EYS: variants seen among roughly 807,000 people sequenced by gnomAD.
EYS encodes EGF-like photoreceptor maintenance factor, also known as protein eyes shut homolog.
In EYS, 250 loss-of-function variants were observed where a neutral mutation model predicts 282.1. The ratio of observed to expected loss-of-function variants is 0.89; its 90% CI spans 0.80 to 0.98. The LOEUF (loss-of-function observed/expected upper bound fraction) is 0.98. Ranked by LOEUF, EYS falls within the 50% of genes least tolerant of loss-of-function variation. EYS has a pLI of 0.00. For synonymous variants in EYS, 1,355 were observed against 1,282.9 expected, an observed-to-expected ratio of 1.06 and a Z score of -1.20; for missense variants, 4,016 against 3,709.0, an observed-to-expected ratio of 1.08 and a Z score of -2.15.
At chr6:64,913,391 A>C (rs1768061266) in intron 15 of EYS, among the ~76,000 whole-genome samples, 1 of 152,074 alleles carries the variant, frequency 6.6e-6, no homozygotes, top group Admixed American at 6.6e-5. Context: ...ATAGATTTTC[A>C]ACCCCTACCT....
chr6:64,005,340 C>G (rs1054935551), intron 33 of EYS, among the ~76,000 whole-genome samples: 2 of 151,956 alleles, frequency 1.3e-5, no homozygotes, highest in African/African-American at 4.8e-5. Context: ...TGCTTGTTAA[C>G]TTAAGTTCCT....
intron 29 of EYS, among the ~76,000 whole-genome samples, chr6:64,333,065 A>G (rs1226788015): frequency 1.3e-5 from 2 of 152,188 alleles, no homozygotes; most frequent in East Asian, 3.9e-4. Flanking sequence ...ACTCTGTTAT[A>G]CCAGACCTAC....
intron 5 of EYS, among the ~76,000 whole-genome samples, chr6:65,442,747 C>T (rs1768387185): frequency 6.7e-6 from 1 of 149,174 alleles, no homozygotes; most frequent in African/African-American, 2.5e-5. Flanking sequence ...GAGCGAGACT[C>T]CATCTCAAAA....
chr6:64,467,690 T>C (rs1430364653), intron 26 of EYS, among the ~76,000 whole-genome samples: 2 of 152,112 alleles, frequency 1.3e-5, no homozygotes, highest in African/African-American at 4.8e-5. Context: ...ACTGCTTGTG[T>C]ACATTACTGG....
intron 5 of EYS, among the ~76,000 whole-genome samples, chr6:65,474,216 A>G (rs1340477514): frequency 6.6e-6 from 1 of 152,132 alleles, no homozygotes; most frequent in Non-Finnish European, 1.5e-5. Context: ...CAATAGTTTC[A>G]TAAATGCAAC....
intron 12 of EYS, among the ~76,000 whole-genome samples, chr6:65,133,372 A>G (rs780683681): frequency 6.6e-6 from 1 of 152,078 alleles, no homozygotes; most frequent in African/African-American, 2.4e-5. Context: ...CCAGTTTCAA[A>G]CTATACTACA....
intron 26 of EYS, among the ~76,000 whole-genome samples, chr6:64,558,312 T>C (rs1582892680): frequency 6.6e-6 from 1 of 152,096 alleles, no homozygotes; most frequent in South Asian, 2.1e-4. Flanking sequence ...CAGGGGAAAT[T>C]TGGCAACATC....
At chr6:64,958,734 CAAAAAAAAAAAAA>C (rs1167094477) in intron 14 of EYS, among the ~76,000 whole-genome samples, 12 of 51,680 alleles carry the variant, frequency 2.3e-4, no homozygotes, top group African/African-American at 4.8e-4. Flanking sequence ...GACTCCGTCT[CAAAAAAAAAAAAA>C]AAAAAAAAAA....
chr6:64,284,383 G>A (rs1371259393), intron 30 of EYS, among the ~76,000 whole-genome samples: 5 of 152,204 alleles, frequency 3.3e-5, no homozygotes, highest in Non-Finnish European at 2.9e-5. Flanking sequence ...GCTGATATAA[G>A]AGGTGGGTTC....
chr6:63,883,489 G>C lies in EYS; in HGVS notation c.7056-19131C>G, dbSNP rs534614922. Among the ~76,000 whole-genome samples the C allele has an allele frequency of 2.0e-4, 31 of 152,378 alleles. No homozygotes were observed. In the South Asian group the frequency reaches 6.0e-3, roughly 30 times the overall value. ...AAACTCTCAACCAACGTGGCTGGAAGTCAGCAGATAATTGCTTCTGCCTTT... is the reference window on the plus strand; with the variant it reads ...AAACTCTCAACCAACGTGGCTGGAACTCAGCAGATAATTGCTTCTGCCTTT... On this transcript the variant is annotated intron_variant, in intron 35 of 42. Transcript: ENST00000503581.
At chr6:65,531,601 G>T in intron 2 of EYS, among the ~76,000 whole-genome samples, 1 of 152,220 alleles carries the variant, frequency 6.6e-6, no homozygotes, top group East Asian at 1.9e-4. Context: ...TAAATGGATA[G>T]GGAGATCCCT....
intron 33 of EYS, among the ~76,000 whole-genome samples, chr6:64,053,949 ATACT>A (rs1356661178): frequency 6.6e-6 from 1 of 152,176 alleles, no homozygotes; most frequent in Non-Finnish European, 1.5e-5. Flanking sequence ...TGGCCTTTAC[ATACT>A]TAACTAATCC....
chr6:65,238,315 T>A (rs903135629), intron 12 of EYS, among the ~76,000 whole-genome samples: 1 of 151,072 alleles, frequency 6.6e-6, no homozygotes, highest in Non-Finnish European at 1.5e-5. Context: ...GAATCAATAA[T>A]ACTAGAATCA....
At chr6:64,872,685 G>A (rs1357996090) in intron 19 of EYS, among the ~76,000 whole-genome samples, 3 of 151,980 alleles carry the variant, frequency 2.0e-5, no homozygotes, top group Non-Finnish European at 4.4e-5. Context: ...GAAATCTAGA[G>A]TTCCAGCATC....
chr6:65,032,677 C>CT (rs908502663), intron 13 of EYS, among the ~76,000 whole-genome samples: 690 of 147,188 alleles, frequency 4.7e-3, no homozygotes, highest in East Asian at 0.017. Context: ...ATATCTCTCT[C>CT]TTTTTTTTTT....
At chr6:64,650,468 T>G (rs1304394658) in intron 22 of EYS, among the ~76,000 whole-genome samples, 1 of 152,008 alleles carries the variant, frequency 6.6e-6, no homozygotes, top group Non-Finnish European at 1.5e-5. Flanking sequence ...TAACATTAAT[T>G]ACATGAAAGA....
chr6:64,298,048 T>A (rs1302340389), intron 30 of EYS, among the ~76,000 whole-genome samples: 1 of 151,528 alleles, frequency 6.6e-6, no homozygotes, highest in Non-Finnish European at 1.5e-5. Flanking sequence ...TAAGAAAGAT[T>A]GTTAACACTG....
chr6:65,328,564 C>A (rs1466984430), intron 11 of EYS, among the ~76,000 whole-genome samples: 1 of 150,776 alleles, frequency 6.6e-6, no homozygotes, highest in Non-Finnish European at 1.5e-5. Flanking sequence ...AAGAAATTTT[C>A]TTTGAGAAAT....
intron 36 of EYS, among the ~76,000 whole-genome samples, chr6:63,810,193 G>A (rs147316368): frequency 0.012 from 1,745 of 150,872 alleles, 28 homozygotes; most frequent in African/African-American, 0.041. Context: ...TCCGCGAGAC[G>A]GAGGTTGCAG....
Sources: allele counts gnomAD v4.1 joint callset (sites outside exome capture counted in the v4.1 genomes callset), GRCh38; gene constraint gnomAD v4.1.1; transcripts MANE v1.5; gene names NCBI Gene and HGNC (gene_info 2026-07-23, HGNC 2026-07-21).